Variants in GDPD5 observed in about 807,000 individuals in gnomAD.
GDPD5 encodes glycerophosphodiester phosphodiesterase 2.
GDPD5 carries 48 observed loss-of-function variants against 75.1 expected under a neutral mutation model. The observed-to-expected ratio is 0.64, with a 90% CI of 0.51 to 0.81. The LOEUF is 0.81. Among genes scored for constraint, GDPD5 ranks in the 40% least tolerant of loss-of-function variants. The probability of loss-of-function intolerance (pLI) is 0.00; values close to 1 mark genes in which losing one functional copy is unlikely to be tolerated. For synonymous variants in GDPD5, 336 were observed against 339.0 expected (o/e 0.99, Z 0.10); for missense variants, 706 against 822.6 (o/e 0.86, Z 1.73).
chr11:75,483,765 T>G (rs965726080), intron 2 of GDPD5, among the ~76,000 whole-genome samples: 1 of 152,236 alleles, frequency 6.6e-6, no homozygotes, highest in African/African-American at 2.4e-5. Flanking sequence ...TGATTCCATG[T>G]ATAAGAAATG....
chr11:75,492,584 C>G (rs1478298504), intron 1 of GDPD5: 2 of 152,416 alleles, frequency 1.3e-5, no homozygotes, highest in African/African-American at 4.8e-5. Context: ...GCTGCCTGGC[C>G]TGAGGACTTT....
chr11:75,497,990 G>A (rs1327928719), intron 1 of GDPD5, among the ~76,000 whole-genome samples: 1 of 152,150 alleles, frequency 6.6e-6, no homozygotes, highest in Non-Finnish European at 1.5e-5. Flanking sequence ...ACAAACATAG[G>A]GCACTGAGGC....
At chr11:75,523,943 C>T (rs556955396) in intron 1 of GDPD5, among the ~76,000 whole-genome samples, 6 of 152,320 alleles carry the variant, frequency 3.9e-5, no homozygotes, top group Admixed American at 1.3e-4. Flanking sequence ...CTAGGGTTAA[C>T]TAGGCCTAGC....
chr11:75,495,961 T>C (rs1470772995), intron 1 of GDPD5, among the ~76,000 whole-genome samples: 3 of 152,268 alleles, frequency 2.0e-5, no homozygotes, highest in Non-Finnish European at 2.9e-5. Context: ...CTTATGCTTA[T>C]GCCTTGTGCA....
chr11:75,463,385 A>G (rs1949456254), intron 3 of GDPD5, among the ~76,000 whole-genome samples: 2 of 152,164 alleles, frequency 1.3e-5, no homozygotes, highest in South Asian at 2.1e-4. Flanking sequence ...GAAGAAGTAC[A>G]GAAGTGCCAT....
At chr11:75,499,341 C>T (rs1310477765) in intron 1 of GDPD5, among the ~76,000 whole-genome samples, 1 of 151,898 alleles carries the variant, frequency 6.6e-6, no homozygotes, top group East Asian at 1.9e-4. Context: ...GCCACTGTCC[C>T]TTCCTGGACA....
intron 1 of GDPD5, among the ~76,000 whole-genome samples, chr11:75,516,764 C>T (rs1347673332): frequency 6.6e-6 from 1 of 152,174 alleles, no homozygotes; most frequent in Non-Finnish European, 1.5e-5. Context: ...GAAGTCCTTC[C>T]TACAAATGCA....
chr11:75,435,744 C>G, intron 16 of GDPD5, 89 bp from the exon 17 acceptor site: 1 of 1,343,540 alleles, frequency 7.4e-7, no homozygotes, highest in Non-Finnish European at 1.0e-6. Context: ...CTGCACCACC[C>G]AGCGGGGCAC....
intron 2 of GDPD5, among the ~76,000 whole-genome samples, chr11:75,483,682 A>G (rs1036286079): frequency 1.3e-5 from 2 of 152,226 alleles, no homozygotes; most frequent in South Asian, 2.1e-4. Flanking sequence ...CAGGTCTGTA[A>G]TAAAAAGGAA....
At chr11:75,462,676 G>C in intron 4 of GDPD5, 110 bp downstream of exon 4, 1 of 780,376 alleles carries the variant, frequency 1.3e-6, no homozygotes, top group East Asian at 2.7e-5. Context: ...GCTGGTGGCA[G>C]AGCTCAGAGG....
chr11:75,451,034 GA>G (rs1949134744), intron 6 of GDPD5: 1 of 152,328 alleles, frequency 6.6e-6, no homozygotes, highest in Admixed American at 6.5e-5. Context: ...CCTTTCTCCC[GA>G]GGCAACCTTT....
In GDPD5 at chr11:75,478,513, C is replaced by T. The variant is rs868048938; in HGVS notation, c.-60-718G>A. On this transcript the variant is annotated intron_variant, in intron 2 of 16. Coordinates refer to ENST00000336898, the MANE Select transcript of GDPD5 (RefSeq NM_030792.8). ...TAAAACTGTAGCCCCTTCCCACATT[C>T]CCTAAGCTCCTTCCCACATTCTCAG... 3.9e-5 allele frequency among the ~76,000 whole-genome samples: 6 copies of T among 152,202 alleles called. No individual in the cohort carries two copies. In the South Asian group the frequency reaches 1.2e-3, roughly 31 times the overall value.
At chr11:75,499,822 A>G (rs1950274268) in intron 1 of GDPD5, among the ~76,000 whole-genome samples, 1 of 152,158 alleles carries the variant, frequency 6.6e-6, no homozygotes, top group South Asian at 2.1e-4. Flanking sequence ...AGTGTCTACG[A>G]AACAGCTTTG....
At chr11:75,476,034 C>A (rs1949770791) in intron 3 of GDPD5, among the ~76,000 whole-genome samples, 1 of 152,176 alleles carries the variant, frequency 6.6e-6, no homozygotes. Context: ...GATACGCCTT[C>A]CCCAGCATCT....
At chr11:75,436,060 G>C (rs1042003106) in intron 16 of GDPD5, among the ~76,000 whole-genome samples, 1 of 152,180 alleles carries the variant, frequency 6.6e-6, no homozygotes, top group Non-Finnish European at 1.5e-5. Context: ...CCTGGGCCGA[G>C]TTAGGGCCTC....
At chr11:75,484,433 A>G (rs1200960695) in intron 2 of GDPD5, among the ~76,000 whole-genome samples, 1 of 152,176 alleles carries the variant, frequency 6.6e-6, no homozygotes, top group Non-Finnish European at 1.5e-5. Flanking sequence ...CAGACCCCTC[A>G]GATTCTGGAA....
intron 3 of GDPD5, among the ~76,000 whole-genome samples, chr11:75,476,883 C>G (rs953389947): frequency 6.6e-6 from 1 of 152,172 alleles, no homozygotes; most frequent in Non-Finnish European, 1.5e-5. Context: ...CCCCATCCCC[C>G]ACCCCGGCCC....
At chr11:75,484,032 C>A (rs552846100) in intron 2 of GDPD5, among the ~76,000 whole-genome samples, 16 of 152,074 alleles carry the variant, frequency 1.1e-4, no homozygotes, top group Admixed American at 8.5e-4. Context: ...ACTAAAAATA[C>A]AAAAATTAGC....
intron 9 of GDPD5, among the ~76,000 whole-genome samples, chr11:75,445,963 C>T (rs950178317): frequency 2.2e-4 from 34 of 152,246 alleles, no homozygotes; most frequent in African/African-American, 2.4e-5. Flanking sequence ...CCCTGGCATA[C>T]AGCACTCTTG....
Sources: allele counts gnomAD v4.1 joint callset (sites outside exome capture counted in the v4.1 genomes callset), GRCh38; gene constraint gnomAD v4.1.1; transcripts MANE v1.5; gene names NCBI Gene and HGNC (gene_info 2026-07-23, HGNC 2026-07-21).